CCDC92: variants seen among roughly 807,000 people sequenced by gnomAD.
The protein encoded by CCDC92 is coiled-coil domain-containing protein 92.
CCDC92 carries 12 observed loss-of-function variants against 24.9 expected under a neutral mutation model. The ratio of observed to expected loss-of-function variants is 0.48; its 90% CI spans 0.31 to 0.78. The LOEUF (loss-of-function observed/expected upper bound fraction) is 0.78. Ranked by LOEUF, CCDC92 falls within the 30% of genes least tolerant of loss-of-function variation. CCDC92 has a pLI of 0.05. For missense variants in CCDC92, 399 were observed against 439.4 expected (o/e 0.91, Z 0.82); for synonymous variants, 193 against 196.3 (o/e 0.98, Z 0.14).
At chr12:123,943,242 C>T (rs1955742746) in intron 3 of CCDC92, 105 bp downstream of exon 3, 20 of 1,274,446 alleles carry the variant, frequency 1.6e-5, no homozygotes, top group Non-Finnish European at 2.0e-5. Flanking sequence ...ACTCCTGCAA[C>T]GATGATGGGA....
chr12:123,936,797 A>G lies in CCDC92; in HGVS notation c.*261T>C, dbSNP rs1485937358. 1.0e-5 allele frequency: 6 copies of G among 576,852 alleles called. No individual in the cohort carries two copies. In the East Asian group the frequency reaches 1.5e-4, roughly 14 times the overall value. 35.7% of individuals were successfully genotyped at this position (576,852 alleles called of 1,614,324 possible). A position where few individuals can be genotyped will look rare whatever the true frequency, so the allele number is the denominator to read the frequency against. ...GTGGCCTGGGCTTTGCCTGCAGCGC[A>G]CTTAGGTTACACGGAGCGGGATCAG... On this transcript the variant is annotated 3_prime_UTR_variant, in exon 5 of 5. Coordinates refer to ENST00000238156, the MANE Select transcript of CCDC92 (RefSeq NM_025140.3).
chr12:123,964,486 T>C (rs893633828), intron 1 of CCDC92, among the ~76,000 whole-genome samples: 6 of 152,148 alleles, frequency 3.9e-5, no homozygotes, highest in Middle Eastern at 3.2e-3. Flanking sequence ...AGCCAGACAC[T>C]GTGGAGGACA....
At chr12:123,959,795 G>GAATT (rs59528299) in intron 1 of CCDC92, among the ~76,000 whole-genome samples, 57,686 of 151,720 alleles carry the variant, frequency 0.38, 11,876 homozygotes, top group African/African-American at 0.54. Context: ...TTTTTTGTTG[G>GAATT]AATTAAAATG....
intron 3 of CCDC92, 54 bp from the exon 4 acceptor site, chr12:123,942,839 A>G: frequency 6.9e-7 from 1 of 1,453,018 alleles, no homozygotes; most frequent in Non-Finnish European, 9.7e-7. Context: ...CAAAATCTTC[A>G]TCAGCTTTGA....
chr12:123,948,105 A>G (rs1955927694), intron 1 of CCDC92, among the ~76,000 whole-genome samples: 2 of 152,182 alleles, frequency 1.3e-5, no homozygotes, highest in African/African-American at 4.8e-5. Flanking sequence ...TTCCGGACAC[A>G]CTTCCTTTAC....
intron 1 of CCDC92, among the ~76,000 whole-genome samples, chr12:123,950,579 T>G (rs925966773): frequency 6.6e-6 from 1 of 152,116 alleles, no homozygotes; most frequent in African/African-American, 2.4e-5. Flanking sequence ...CTATGTAGCA[T>G]GTGCGTCCTG....
chr12:123,955,301 C>T (rs928325332), intron 1 of CCDC92, among the ~76,000 whole-genome samples: 1 of 152,170 alleles, frequency 6.6e-6, no homozygotes, highest in Non-Finnish European at 1.5e-5. Flanking sequence ...AGTTCATATC[C>T]AACTGGTCTT....
At chr12:123,950,760 G>GGAA (rs1262317975) in intron 1 of CCDC92, among the ~76,000 whole-genome samples, 1 of 152,198 alleles carries the variant, frequency 6.6e-6, no homozygotes, top group Non-Finnish European at 1.5e-5. Flanking sequence ...ACCCGTGGGA[G>GGAA]GAACCAAGGC....
intron 1 of CCDC92, chr12:123,968,064 C>T (rs1956434511): frequency 6.6e-6 from 1 of 152,198 alleles, no homozygotes. Flanking sequence ...TTTCTTCTGT[C>T]GTTTTTTTCC....
chr12:123,965,356 T>C (rs149439615), intron 1 of CCDC92, among the ~76,000 whole-genome samples: 2 of 152,360 alleles, frequency 1.3e-5, no homozygotes, highest in Non-Finnish European at 2.9e-5. Context: ...AAGAGGAATC[T>C]TGATTCATCT....
intron 1 of CCDC92, among the ~76,000 whole-genome samples, chr12:123,959,635 A>G (rs546627856): frequency 1.3e-5 from 2 of 152,178 alleles, no homozygotes; most frequent in Non-Finnish European, 2.9e-5. Flanking sequence ...TGATCACTTA[A>G]TTCTTGAAAC....
At chr12:123,947,250 C>T (rs527631037) in intron 1 of CCDC92, among the ~76,000 whole-genome samples, 160 of 152,312 alleles carry the variant, frequency 1.1e-3, no homozygotes, top group African/African-American at 3.6e-3. Flanking sequence ...CCACCCACTC[C>T]ATGGGCTCCT....
At chr12:123,956,042 C>G (rs772019373) in intron 1 of CCDC92, among the ~76,000 whole-genome samples, 5 of 152,162 alleles carry the variant, frequency 3.3e-5, no homozygotes, top group Non-Finnish European at 7.3e-5. Context: ...CACACTGATT[C>G]CTTCCAATGA....
chr12:123,943,987 G>A (rs1955770266), intron 2 of CCDC92: 3 of 513,034 alleles, frequency 5.8e-6, no homozygotes, highest in Admixed American at 3.8e-5. Context: ...AGCACTGACA[G>A]CTTCCTCATG....
intron 1 of CCDC92, among the ~76,000 whole-genome samples, chr12:123,957,682 ATTC>A: frequency 6.8e-6 from 1 of 147,196 alleles, no homozygotes; most frequent in East Asian, 2.0e-4. Context: ...TGATCACTTA[ATTC>A]TTTTTTTTTC....
At chr12:123,972,272 T>C (rs1956571969) in intron 1 of CCDC92, among the ~76,000 whole-genome samples, 1 of 151,620 alleles carries the variant, frequency 6.6e-6, no homozygotes, top group South Asian at 2.1e-4. Context: ...GGGACCCTCT[T>C]TCCCCGACTC....
At chr12:123,943,868 AT>A (rs1243340664) in intron 2 of CCDC92, 14 of 434,834 alleles carry the variant, frequency 3.2e-5, no homozygotes, top group Non-Finnish European at 4.1e-6. Flanking sequence ...TGGAGCAGGG[AT>A]TCTAATCCAG....
chr12:123,963,376 T>C (rs1348080779), intron 1 of CCDC92, among the ~76,000 whole-genome samples: 1 of 152,122 alleles, frequency 6.6e-6, no homozygotes, highest in Admixed American at 6.5e-5. Context: ...CTGCTAACTC[T>C]GGAGAAAAAG....
chr12:123,969,457 T>C (rs1050811420), intron 1 of CCDC92, among the ~76,000 whole-genome samples: 5 of 149,258 alleles, frequency 3.3e-5, no homozygotes, highest in African/African-American at 9.9e-5. Flanking sequence ...TCATCTCTTA[T>C]TCAGTTTTTT....
Sources: gnomAD v4.1 joint callset for allele counts (sites outside exome capture counted in the v4.1 genomes callset) on GRCh38, gnomAD v4.1.1 for gene constraint, MANE v1.5 for transcripts, NCBI Gene and HGNC (gene_info 2026-07-23, HGNC 2026-07-21) for gene names.